IRAK1BP1: variants seen among roughly 807,000 people sequenced by gnomAD.
IRAK1BP1 encodes interleukin 1 receptor associated kinase 1 binding protein 1.
A neutral mutation model predicts 28.0 loss-of-function variants in IRAK1BP1; 24 were observed. The ratio of observed to expected loss-of-function variants is 0.86; its 90% CI spans 0.62 to 1.20. The LOEUF is 1.20. IRAK1BP1 is among the 50% of genes most tolerant of loss of function. The probability of loss-of-function intolerance (pLI) is 0.00; values close to 1 mark genes in which losing one functional copy is unlikely to be tolerated. For missense variants in IRAK1BP1, 336 were observed against 316.7 expected (o/e 1.06, Z -0.46); for synonymous variants, 131 against 116.3 (o/e 1.13, Z -0.81).
intron 4 of IRAK1BP1, among the ~76,000 whole-genome samples, chr6:78,913,667 A>C (rs1772483791): frequency 6.6e-6 from 1 of 152,214 alleles, no homozygotes; most frequent in Non-Finnish European, 1.5e-5. Context: ...ATTGCTGAGA[A>C]GATGACTGCA....
intron 2 of IRAK1BP1, among the ~76,000 whole-genome samples, chr6:78,896,525 T>G (rs1255555649): frequency 6.6e-6 from 1 of 152,006 alleles, no homozygotes; most frequent in Non-Finnish European, 1.5e-5. Context: ...TCTTTAACAG[T>G]GGAGAATGTA....
chr6:78,897,692 C>G (rs149792337), intron 2 of IRAK1BP1, 137 bp from the exon 3 acceptor site: 1 of 568,474 alleles, frequency 1.8e-6, no homozygotes, highest in African/African-American at 1.9e-5. Flanking sequence ...TTATAAGTAT[C>G]AAATAGGCTT....
chr6:78,887,132 T>C (rs1771457246), intron 2 of IRAK1BP1, among the ~76,000 whole-genome samples: 1 of 152,210 alleles, frequency 6.6e-6, no homozygotes, highest in African/African-American at 2.4e-5. Context: ...TCTTAAGTAC[T>C]GTTAAATATA....
intron 4 of IRAK1BP1, among the ~76,000 whole-genome samples, chr6:78,930,964 TAAA>T (rs200931985): frequency 3.4e-5 from 1 of 29,572 alleles, no homozygotes; most frequent in African/African-American, 1.2e-4. Context: ...AAAAATAAAA[TAAA>T]AAAAAATTAA....
rs544642003 is a variant in IRAK1BP1, at chr6:78,878,268, C to T, written c.316-7110C>T. 9.2e-5 allele frequency among the ~76,000 whole-genome samples: 14 copies of T among 152,286 alleles called. No homozygotes were observed. The South Asian group carries it at 1.9e-3, about 20-fold the overall frequency. On this transcript the variant is annotated intron_variant, in intron 1 of 3. Coordinates refer to ENST00000369940, the MANE Select transcript of IRAK1BP1 (RefSeq NM_001010844.4). ...AGTAGGGGCCAACTGACACCTCATA[C>T]GTCTCAGAGGGTGTCCATCTGAGAC...
At chr6:78,933,610 T>C (rs1773143242) in intron 4 of IRAK1BP1, among the ~76,000 whole-genome samples, 1 of 151,860 alleles carries the variant, frequency 6.6e-6, no homozygotes, top group South Asian at 2.1e-4. Context: ...AGCAAAACTC[T>C]GTCTCAAACA....
chr6:78,973,846 C>G, the IRAK1BP1 span, among the ~76,000 whole-genome samples: 1 of 151,552 alleles, frequency 6.6e-6, no homozygotes, highest in East Asian at 2.0e-4. Flanking sequence ...TATATATGCA[C>G]CCAATACAGG....
chr6:78,926,888 G>T (rs529659132), intron 4 of IRAK1BP1, among the ~76,000 whole-genome samples: 75 of 152,026 alleles, frequency 4.9e-4, no homozygotes, highest in Admixed American at 6.6e-4. Context: ...TTATTCTTTC[G>T]TATGGCCAAA....
intron 1 of IRAK1BP1, among the ~76,000 whole-genome samples, chr6:78,884,730 G>A (rs1771355093): frequency 6.6e-6 from 1 of 152,086 alleles, no homozygotes; most frequent in Non-Finnish European, 1.5e-5. Context: ...AGTTGCACAT[G>A]ATAAGTATTT....
At chr6:78,977,948 T>G in the IRAK1BP1 span, among the ~76,000 whole-genome samples, 1 of 152,156 alleles carries the variant, frequency 6.6e-6, no homozygotes, top group African/African-American at 2.4e-5. Flanking sequence ...AATTCCCAAT[T>G]TATTTATGGT....
intron 2 of IRAK1BP1, among the ~76,000 whole-genome samples, chr6:78,889,902 C>T (rs370474529): frequency 4.6e-5 from 7 of 152,136 alleles, no homozygotes; most frequent in East Asian, 3.9e-4. Flanking sequence ...CCATTTGACC[C>T]AGCAATCTCA....
At chr6:78,873,937 T>G (rs1034066937) in intron 1 of IRAK1BP1, among the ~76,000 whole-genome samples, 7 of 152,208 alleles carry the variant, frequency 4.6e-5, no homozygotes, top group African/African-American at 1.7e-4. Context: ...CTGTCTTTCC[T>G]TTACTACACA....
intron 4 of IRAK1BP1, among the ~76,000 whole-genome samples, chr6:78,914,174 A>C (rs1416864118): frequency 2.0e-5 from 3 of 152,198 alleles, no homozygotes; most frequent in Non-Finnish European, 4.4e-5. Flanking sequence ...AATAACTTGC[A>C]AAAGAACATT....
chr6:78,931,295 G>A (rs891734245), intron 4 of IRAK1BP1, among the ~76,000 whole-genome samples: 4 of 151,908 alleles, frequency 2.6e-5, no homozygotes, highest in East Asian at 1.9e-4. Context: ...ACCTGTAGTC[G>A]AAGCTACTCA....
chr6:78,929,470 T>C (rs989150315), intron 4 of IRAK1BP1, among the ~76,000 whole-genome samples: 3 of 152,140 alleles, frequency 2.0e-5, no homozygotes, highest in Middle Eastern at 3.4e-3. Context: ...TTCTCACTTA[T>C]AAGTAGGAGC....
At position 78,885,971 on chromosome 6, in the gene IRAK1BP1, A is replaced by G. The variant is rs115829744; in HGVS notation, c.381+528A>G. On this transcript the variant is annotated intron_variant, in intron 2 of 3. Transcript: ENST00000369940. Reference sequence around the variant, plus strand: ...CTTTTTACTTATATTTAAAGATTTAATGGCCAGGATTTTGTGAAATCAGAG... The same window carrying G: ...CTTTTTACTTATATTTAAAGATTTAGTGGCCAGGATTTTGTGAAATCAGAG... Among the ~76,000 whole-genome samples, 660 of 152,318 alleles carry G rather than the reference A, an allele frequency of 4.3e-3. 2 individuals carry two copies. The highest frequency in any genetic ancestry group is 0.014 in the African/African-American group (598 of 41,576).
chr6:78,927,111 G>A (rs949140691), intron 4 of IRAK1BP1, among the ~76,000 whole-genome samples: 3 of 151,922 alleles, frequency 2.0e-5, no homozygotes, highest in African/African-American at 7.3e-5. Context: ...TTAGTTTTTT[G>A]AGGAACCTCC....
chr6:78,955,214 A>G, the IRAK1BP1 span: 3 of 1,568,754 alleles, frequency 1.9e-6, no homozygotes, highest in Admixed American at 5.2e-5. Context: ...ACTTCTGCTA[A>G]AACTAAAACT....
chr6:78,950,370 A>C (rs1405370010), downstream of IRAK1BP1, among the ~76,000 whole-genome samples: 1 of 152,132 alleles, frequency 6.6e-6, no homozygotes, highest in East Asian at 1.9e-4. Flanking sequence ...TCATAGAGTG[A>C]GTTGGGAATT....
Sources: gnomAD v4.1 joint callset for allele counts (sites outside exome capture counted in the v4.1 genomes callset) on GRCh38, gnomAD v4.1.1 for gene constraint, MANE v1.5 for transcripts, NCBI Gene and HGNC (gene_info 2026-07-23, HGNC 2026-07-21) for gene names.